TPPP: variants seen among roughly 807,000 people sequenced by gnomAD.
TPPP encodes the protein tubulin polymerization promoting protein.
A neutral mutation model predicts 15.5 loss-of-function variants in TPPP; 6 were observed. The observed-to-expected ratio is 0.39, with a 90% CI of 0.21 to 0.77. The LOEUF (loss-of-function observed/expected upper bound fraction) is 0.77, where lower values mean the gene tolerates loss of function less well. TPPP is among the 30% of genes least tolerant of loss of function. The pLI is 0.42. For synonymous variants in TPPP, 146 were observed against 133.9 expected (o/e 1.09, Z -0.63); for missense variants, 269 against 307.2 (o/e 0.88, Z 0.93).
rs536964331 is a variant in TPPP at position 667,978 on chromosome 5, A to G, written c.312-1855T>C. ...GTCAGGGAAGTGCGGACAAGCACAC[A>G]GAGAGGGGGCCGTGTGGGCGCCGTC... On this transcript the variant is annotated intron_variant, in intron 2 of 3. Transcript: ENST00000360578. Among the ~76,000 whole-genome samples the G allele has an allele frequency of 1.5e-3, 54 of 35,040 alleles. 9 individuals carry two copies. The highest frequency in any genetic ancestry group is 4.1e-3 in the East Asian group (5 of 1,206). 23.0% of individuals were successfully genotyped at this position (35,040 alleles called of 152,430 possible).
At chr5:684,965 C>T (rs1740727956) in intron 1 of TPPP, among the ~76,000 whole-genome samples, 1 of 152,214 alleles carries the variant, frequency 6.6e-6, no homozygotes. Flanking sequence ...GGAGCACACC[C>T]CACCCAGAGG....
intron 2 of TPPP, among the ~76,000 whole-genome samples, chr5:675,115 GGGGGTACAGTGTGGCCA>G (rs1276745041): frequency 1.6e-4 from 4 of 24,718 alleles, no homozygotes; most frequent in Non-Finnish European, 2.1e-4. Context: ...GTGCAGCACG[GGGGGTACAGTGTGGCCA>G]GGGGTGCAGT....
intron 1 of TPPP, among the ~76,000 whole-genome samples, chr5:679,088 C>T (rs1321580378): frequency 1.3e-5 from 2 of 152,138 alleles, no homozygotes; most frequent in African/African-American, 2.4e-5. Context: ...GGGTCCGTGC[C>T]GAGGACACAG....
At chr5:684,387 G>A (rs1291375622) in intron 1 of TPPP, among the ~76,000 whole-genome samples, 1 of 152,180 alleles carries the variant, frequency 6.6e-6, no homozygotes, top group Non-Finnish European at 1.5e-5. Flanking sequence ...GGCCCACGCC[G>A]TGTGGTCCTG....
chr5:697,004 G>A (rs1293876224), upstream of TPPP, among the ~76,000 whole-genome samples: 1 of 142,880 alleles, frequency 7.0e-6, no homozygotes, highest in Non-Finnish European at 1.6e-5. Flanking sequence ...CTGTGTGCCT[G>A]CGTGTGCCTG....
chr5:678,522 G>A (rs1210030499), intron 1 of TPPP, among the ~76,000 whole-genome samples: 4 of 143,280 alleles, frequency 2.8e-5, no homozygotes, highest in African/African-American at 9.0e-5. Flanking sequence ...CACTCCCCAG[G>A]GTCTGTGACG....
At chr5:665,849 C>T (rs2126865853) in intron 3 of TPPP, 121 bp downstream of exon 3, 2 of 643,794 alleles carry the variant, frequency 3.1e-6, no homozygotes, top group South Asian at 5.6e-5. Flanking sequence ...TCCCAGGACC[C>T]CCCCCAGGTC....
chr5:686,664 T>A (rs1740775265), intron 1 of TPPP, among the ~76,000 whole-genome samples: 1 of 145,202 alleles, frequency 6.9e-6, no homozygotes, highest in Admixed American at 6.9e-5. Flanking sequence ...TCTTGGATTA[T>A]CCACAGCTGA....
rs560620112 is a variant in TPPP, at chr5:673,466, G to C, written c.311+4284C>G. ...TCCATGGCTGCAGGTGAATGGGGAGGGGGGGAGGTCAGAATCCCTTGGCCT... is the reference window on the plus strand; with the variant it reads ...TCCATGGCTGCAGGTGAATGGGGAGCGGGGGAGGTCAGAATCCCTTGGCCT... On this transcript the variant is annotated intron_variant, in intron 2 of 3. Coordinates refer to ENST00000360578, the MANE Select transcript of TPPP (RefSeq NM_007030.3). Among the ~76,000 whole-genome samples the C allele has an allele frequency of 5.9e-5, 9 of 152,124 alleles. No individual in the cohort carries two copies. In the East Asian group the frequency reaches 1.6e-3, roughly 26 times the overall value.
At chr5:683,778 G>A (rs1266798096) in intron 1 of TPPP, among the ~76,000 whole-genome samples, 2 of 152,288 alleles carry the variant, frequency 1.3e-5, no homozygotes, top group Admixed American at 6.5e-5. Context: ...CTCAGCTGGC[G>A]ACAGGAGCTG....
intron 3 of TPPP, 124 bp downstream of exon 3, chr5:665,846 A>C (rs1314057834): frequency 5.7e-4 from 64 of 111,462 alleles, no homozygotes; most frequent in Non-Finnish European, 7.0e-4. Flanking sequence ...GCCTCCCAGG[A>C]CCCCCCCCAG....
intron 1 of TPPP, chr5:692,641 G>A (rs1298565636): frequency 1.0e-6 from 1 of 983,512 alleles, no homozygotes; most frequent in Non-Finnish European, 1.2e-6. Context: ...CAGGGGTGCG[G>A]GAAGGTGTCC....
intron 3 of TPPP, 23 bp downstream of exon 3, chr5:665,947 C>T (rs772994317): frequency 2.0e-6 from 3 of 1,516,142 alleles, no homozygotes; most frequent in South Asian, 2.4e-5. Flanking sequence ...CCAGGCCCCG[C>T]CTTCCATCCC....
chr5:674,331 A>C (rs1402985282), intron 2 of TPPP, among the ~76,000 whole-genome samples: 7 of 143,658 alleles, frequency 4.9e-5, no homozygotes, highest in African/African-American at 2.1e-4. Flanking sequence ...AGGACACCTG[A>C]GGGGGAGGAG....
Position 666,095 on chromosome 5 carries a change from C to T in TPPP, c.340G>A (p.Glu114Lys). ...KGKSCRTITF[E>K]QFQEALEELA... ...TCCTCCAGCGCCTCCTGGAACTGCT[C>T]AAAGGTGATGGTCCGGCAAGACTTC... The change falls in exon 3 of 4, where the codon GAG (glutamate) becomes AAG (lysine). Residue 114 changes from glutamate to lysine, a missense_variant. Transcript: ENST00000360578. The T allele has an allele frequency of 6.2e-7, 1 of 1,611,512 alleles. No individual in the cohort carries two copies. Among genetic ancestry groups the T allele is most frequent in the Non-Finnish European group, 8.5e-7 (1 of 1,179,708 alleles).
At chr5:683,985 A>C (rs552817830) in intron 1 of TPPP, among the ~76,000 whole-genome samples, 1 of 152,294 alleles carries the variant, frequency 6.6e-6, no homozygotes, top group Admixed American at 6.5e-5. Flanking sequence ...CTGCCATCAC[A>C]GCCTTCAATC....
chr5:693,820 C>T (rs28617495), upstream of TPPP, among the ~76,000 whole-genome samples: 120,261 of 141,174 alleles, frequency 0.85, 51,130 homozygotes, highest in Non-Finnish European at 0.96. Context: ...CCCGACCGCG[C>T]CCAGTTCTTT....
intron 2 of TPPP, chr5:666,846 T>A (rs137908217): frequency 4.7e-4 from 72 of 152,330 alleles, no homozygotes; most frequent in African/African-American, 1.7e-3. Flanking sequence ...TTAGAAAACA[T>A]TTTTCTCCTC....
At position 693,323 on chromosome 5, in the gene TPPP, C is replaced by G. The variant is rs1272191298; in HGVS notation, c.-50G>C. The G allele has an allele frequency of 1.3e-5, 2 of 150,468 alleles. No homozygotes were observed. The highest frequency in any genetic ancestry group is 2.4e-5 in the African/African-American group (1 of 41,116). The allele number at this position is 150,468 out of a possible 1,614,324, so 9.3% of individuals were successfully genotyped here. ...AGCGGAGGCGCCTCCGCGACTCGGC[C>G]GCGCGCGACCCGGTGCTCAGCGGAG... On this transcript the variant is annotated 5_prime_UTR_variant, in exon 1 of 4. Coordinates refer to ENST00000360578, the MANE Select transcript of TPPP (RefSeq NM_007030.3).
Sources: allele counts gnomAD v4.1 joint callset (sites outside exome capture counted in the v4.1 genomes callset), GRCh38; gene constraint gnomAD v4.1.1; transcripts MANE v1.5; gene names NCBI Gene and HGNC (gene_info 2026-07-23, HGNC 2026-07-21).